The following CTNNBIP1 variants were observed in gnomAD, a reference collection of about 807,000 sequenced individuals.
CTNNBIP1 encodes the protein catenin beta interacting protein 1, also known as beta-catenin-interacting protein 1.
In CTNNBIP1, 7 loss-of-function variants were observed where a neutral mutation model predicts 11.8. The observed-to-expected ratio is 0.60, with a 90% CI of 0.34 to 1.12. CTNNBIP1 has a LOEUF of 1.12. CTNNBIP1 is among the 50% of genes most tolerant of loss of function. The pLI, the probability that CTNNBIP1 is intolerant of heterozygous loss-of-function variation, is 0.03. For synonymous variants in CTNNBIP1, 58 were observed against 43.9 expected, an observed-to-expected ratio of 1.32 and a Z score of -1.26; for missense variants, 101 against 113.4, an observed-to-expected ratio of 0.89 and a Z score of 0.50.
chr1:9,886,089 A>C (rs536085776), intron 1 of CTNNBIP1, among the ~76,000 whole-genome samples: 16 of 151,158 alleles, frequency 1.1e-4, no homozygotes, highest in Non-Finnish European at 2.4e-4. Context: ...GAGTAAAAAT[A>C]AACAGTAAGA....
In CTNNBIP1 at chr1:9,865,010, C is replaced by T. The variant is rs563095127; in HGVS notation, c.187+6177G>A. On this transcript the variant is annotated intron_variant, in intron 5 of 5. Coordinates refer to ENST00000377263, the MANE Select transcript of CTNNBIP1 (RefSeq NM_020248.3). ...TTGGGAGGCCAAGGTGGGCAGATCA[C>T]GTGAGGTCAGGAGTTTGAGACAAAT... is the stretch of plus-strand genomic sequence containing the variant. 2.6e-5 allele frequency among the ~76,000 whole-genome samples: 4 copies of T among 152,198 alleles called. No homozygotes were observed. In the South Asian group the frequency reaches 6.2e-4, roughly 24 times the overall value.
intron 1 of CTNNBIP1, among the ~76,000 whole-genome samples, chr1:9,902,285 C>T (rs946781913): frequency 6.6e-6 from 1 of 152,114 alleles, no homozygotes; most frequent in Non-Finnish European, 1.5e-5. Context: ...CAAGGTCTGG[C>T]GCCTGTTACA....
intron 5 of CTNNBIP1, among the ~76,000 whole-genome samples, chr1:9,870,410 G>A (rs189092457): frequency 4.6e-5 from 7 of 152,330 alleles, no homozygotes; most frequent in African/African-American, 1.2e-4. Flanking sequence ...CTGTCCAGTA[G>A]CCATGTGGGT....
At chr1:9,878,171 C>A (rs934830617) in intron 2 of CTNNBIP1, 182 bp from the exon 3 acceptor site, 1 of 152,384 alleles carries the variant, frequency 6.6e-6, no homozygotes, top group South Asian at 2.1e-4. Flanking sequence ...GAAACCTGCA[C>A]CCACACCTCT....
intron 1 of CTNNBIP1, among the ~76,000 whole-genome samples, chr1:9,894,970 C>T (rs1470692655): frequency 7.0e-6 from 1 of 142,772 alleles, no homozygotes; most frequent in African/African-American, 2.8e-5. Flanking sequence ...TGCAGTGGTG[C>T]AATCTCGGCT....
chr1:9,907,808 C>A (rs1639646344), intron 1 of CTNNBIP1, among the ~76,000 whole-genome samples: 1 of 152,218 alleles, frequency 6.6e-6, no homozygotes. Flanking sequence ...ACTGCCACTG[C>A]CCCGATCCCT....
intron 1 of CTNNBIP1, among the ~76,000 whole-genome samples, chr1:9,902,118 T>C (rs1375598461): frequency 6.6e-6 from 1 of 152,066 alleles, no homozygotes; most frequent in East Asian, 1.9e-4. Context: ...TCTGTATATA[T>C]TGACCCAAAA....
chr1:9,892,860 C>G (rs1639338272), intron 1 of CTNNBIP1: 1 of 152,124 alleles, frequency 6.6e-6, no homozygotes, highest in South Asian at 2.1e-4. Context: ...AAAACATAAT[C>G]CAAGGAAGGA....
rs369875122 is a variant in CTNNBIP1, at chr1:9,864,521, A to G, written c.187+6666T>C. 8.6e-3 allele frequency among the ~76,000 whole-genome samples: 1,311 copies of G among 152,142 alleles called. 19 individuals carry two copies. The highest frequency in any genetic ancestry group is 0.011 in the Non-Finnish European group (720 of 68,022). ...TTTTTTGTATTTTTAGTAGAGACGG[A>G]GTTTCACCATGTTAGCCAGGATGGT... On this transcript the variant is annotated intron_variant, in intron 5 of 5. Coordinates refer to ENST00000377263, the MANE Select transcript of CTNNBIP1 (RefSeq NM_020248.3).
At chr1:9,909,957 A>T (rs1639702179) in intron 1 of CTNNBIP1, 138 bp downstream of exon 1, 1 of 151,744 alleles carries the variant, frequency 6.6e-6, no homozygotes, top group Non-Finnish European at 1.5e-5. Flanking sequence ...CCGCTGGGGC[A>T]GTCAGGGGTC....
At chr1:9,900,082 A>C (rs1411024949) in intron 1 of CTNNBIP1, among the ~76,000 whole-genome samples, 3 of 151,394 alleles carry the variant, frequency 2.0e-5, no homozygotes, top group Non-Finnish European at 4.4e-5. Context: ...AAAAAAAAAA[A>C]AAACAATCAA....
At chr1:9,888,384 C>T (rs1639229347) in intron 1 of CTNNBIP1, among the ~76,000 whole-genome samples, 1 of 151,894 alleles carries the variant, frequency 6.6e-6, no homozygotes, top group Non-Finnish European at 1.5e-5. Context: ...GAGTTCAAGA[C>T]CAGCCTGGCA....
At chr1:9,899,967 G>A (rs1234511250) in intron 1 of CTNNBIP1, among the ~76,000 whole-genome samples, 5 of 151,800 alleles carry the variant, frequency 3.3e-5, no homozygotes, top group Non-Finnish European at 4.4e-5. Flanking sequence ...CCAGGTACTC[G>A]GGAGGCTGAG....
At position 9,851,835 on chromosome 1, in the gene CTNNBIP1, T is replaced by G. The variant is rs1227134228; in HGVS notation, c.188-1059A>C. On this transcript the variant is annotated intron_variant, in intron 5 of 5. Transcript: ENST00000377263. This position sits in a 1 kb window ranked among gnomAD's most constrained non-coding sequence, Gnocchi z 4.8. ...CTGACCTGCCACCCACACCCACAAC[T>G]GCCTGGGGAGTTAGGGGCTGACATG... is the stretch of plus-strand genomic sequence containing the variant. Among the ~76,000 whole-genome samples, 1 of 152,106 alleles carries G rather than the reference T, an allele frequency of 6.6e-6. No homozygotes were observed. The highest frequency in any genetic ancestry group is 2.4e-5 in the African/African-American group (1 of 41,414).
In CTNNBIP1 at chr1:9,871,385, T is replaced by C; in HGVS notation, c.97-108A>G. The C allele has an allele frequency of 1.3e-6, 1 of 799,590 alleles. No individual in the cohort carries two copies. The highest frequency in any genetic ancestry group is 2.1e-6 in the Non-Finnish European group (1 of 486,468). 49.5% of individuals were successfully genotyped at this position (799,590 alleles called of 1,614,324 possible). ...GCCTGCTTGGTCCCTGCTTGGTCCC[T>C]GCTCGGGCTTCTGTTTCTGAGATTT... On this transcript the variant is annotated intron_variant, in intron 4 of 5. Transcript: ENST00000377263. This position sits in a 1 kb window ranked among gnomAD's most constrained non-coding sequence, Gnocchi z 5.2.
In CTNNBIP1 at chr1:9,849,838, G is replaced by A. The variant is rs543046073; in HGVS notation, c.*880C>T. ...GCAGTGCACATAAATCCCGCCTAAC[G>A]GTTACCTCTAGGCCCTGGGCTGCTC... is the stretch of plus-strand genomic sequence containing the variant. On this transcript the variant is annotated 3_prime_UTR_variant, in exon 6 of 6. Coordinates refer to ENST00000377263, the MANE Select transcript of CTNNBIP1 (RefSeq NM_020248.3). 3 of 152,286 alleles carry A rather than the reference G, an allele frequency of 2.0e-5. No individual in the cohort carries two copies. The highest frequency in any genetic ancestry group is 7.2e-5 in the African/African-American group (3 of 41,550). The allele number at this position is 152,286 out of a possible 1,614,324, so 9.4% of individuals were successfully genotyped here.
At chr1:9,898,244 G>C (rs1159613050) in intron 1 of CTNNBIP1, among the ~76,000 whole-genome samples, 1 of 151,678 alleles carries the variant, frequency 6.6e-6, no homozygotes, top group Non-Finnish European at 1.5e-5. Flanking sequence ...AAGAACAGTG[G>C]GCCGGGCACA....
chr1:9,885,841 AGAATCGCTT>A (rs1014273835), intron 1 of CTNNBIP1, among the ~76,000 whole-genome samples: 126 of 151,910 alleles, frequency 8.3e-4, no homozygotes, highest in African/African-American at 2.9e-3. Flanking sequence ...CTGAGGCAGG[AGAATCGCTT>A]GAATCTGGGA....
Position 9,886,153 on chromosome 1 carries a change from G to A in CTNNBIP1, c.-143-2415C>T, listed in dbSNP as rs193031851. Among the ~76,000 whole-genome samples the A allele has an allele frequency of 3.1e-4, 47 of 152,174 alleles. No homozygotes were observed. The East Asian group carries it at 3.3e-3, about 11-fold the overall frequency. On this transcript the variant is annotated intron_variant, in intron 1 of 5. Coordinates refer to ENST00000377263, the MANE Select transcript of CTNNBIP1 (RefSeq NM_020248.3). Reference sequence around the variant, plus strand: ...CTCGCCTCTTCTCTCCCAGCTGCCCGTCAGTCCCCAGCTGGCTCAGAGGAA... The same window carrying A: ...CTCGCCTCTTCTCTCCCAGCTGCCCATCAGTCCCCAGCTGGCTCAGAGGAA...
Sources: allele counts gnomAD v4.1 joint callset (sites outside exome capture counted in the v4.1 genomes callset), GRCh38; gene constraint gnomAD v4.1.1; non-coding constraint Gnocchi (gnomAD v3.1); transcripts MANE v1.5; gene names NCBI Gene and HGNC (gene_info 2026-07-23, HGNC 2026-07-21).